LPP: variants seen among roughly 807,000 people sequenced by gnomAD.
LPP encodes the protein LIM domain containing preferred translocation partner in lipoma.
LPP carries 38 observed loss-of-function variants against 60.4 expected under a neutral mutation model. The observed-to-expected ratio is 0.63, with a 90% CI of 0.49 to 0.83. The LOEUF (loss-of-function observed/expected upper bound fraction) is 0.83, where lower values mean the gene tolerates loss of function less well. LPP is among the 40% of genes least tolerant of loss of function. LPP has a pLI of 0.00. For synonymous variants in LPP, 328 were observed against 290.8 expected (o/e 1.13, Z -1.30); for missense variants, 902 against 783.6 (o/e 1.15, Z -1.80).
At chr3:188,342,905 T>C (rs1270075003) in intron 3 of LPP, among the ~76,000 whole-genome samples, 1 of 152,212 alleles carries the variant, frequency 6.6e-6, no homozygotes, top group Non-Finnish European at 1.5e-5. Flanking sequence ...ATTTAGATTT[T>C]CTTCTCATTC....
intron 6 of LPP, among the ~76,000 whole-genome samples, chr3:188,545,372 T>G (rs1298938669): frequency 1.3e-5 from 2 of 151,402 alleles, no homozygotes; most frequent in Non-Finnish European, 2.9e-5. Context: ...AAACAAGCAC[T>G]CCCTTTTGAC....
chr3:188,237,750 G>C (rs1722434539), intron 2 of LPP, among the ~76,000 whole-genome samples: 1 of 151,760 alleles, frequency 6.6e-6, no homozygotes, highest in Non-Finnish European at 1.5e-5. Context: ...TTTCATCCAG[G>C]CTTTGTCATT....
At chr3:188,462,575 T>A (rs1305743426) in intron 4 of LPP, among the ~76,000 whole-genome samples, 5 of 65,030 alleles carry the variant, frequency 7.7e-5, no homozygotes, top group Admixed American at 1.9e-4. Context: ...TATATATATA[T>A]ATATATATAT....
chr3:188,810,102 T>C (rs189375058), intron 9 of LPP, among the ~76,000 whole-genome samples: 19 of 152,216 alleles, frequency 1.2e-4, no homozygotes, highest in Admixed American at 7.2e-4. Context: ...AGGAAAAGAG[T>C]ATAAATTAAA....
intron 2 of LPP, among the ~76,000 whole-genome samples, chr3:188,278,078 C>A (rs993555106): frequency 3.3e-5 from 5 of 152,196 alleles, no homozygotes; most frequent in African/African-American, 1.2e-4. Flanking sequence ...GCATTTATTA[C>A]ACACGTACTA....
chr3:188,650,324 A>AT (rs1413334858), intron 7 of LPP, among the ~76,000 whole-genome samples: 1 of 152,270 alleles, frequency 6.6e-6, no homozygotes, highest in South Asian at 2.1e-4. Flanking sequence ...GCTGAAAATG[A>AT]TTTTTTTGTG....
intron 3 of LPP, among the ~76,000 whole-genome samples, chr3:188,379,332 A>T (rs1250730850): frequency 6.6e-6 from 1 of 152,184 alleles, no homozygotes; most frequent in Non-Finnish European, 1.5e-5. Flanking sequence ...GGGTGGGGAG[A>T]ATCAATTCTT....
chr3:188,527,620 T>C (rs569541365), intron 6 of LPP, among the ~76,000 whole-genome samples: 3 of 152,156 alleles, frequency 2.0e-5, no homozygotes, highest in Non-Finnish European at 4.4e-5. Context: ...CATTGCTTGA[T>C]GTTCAGCAAT....
chr3:188,227,265 C>T (rs1181955820), intron 2 of LPP, among the ~76,000 whole-genome samples: 1 of 150,740 alleles, frequency 6.6e-6, no homozygotes, highest in African/African-American at 2.4e-5. Context: ...TATACATGTG[C>T]CATGCTGGTG....
intron 2 of LPP, among the ~76,000 whole-genome samples, chr3:188,285,947 G>A (rs909218584): frequency 2.0e-5 from 3 of 152,292 alleles, no homozygotes; most frequent in Non-Finnish European, 4.4e-5. Context: ...AAGCTGTACC[G>A]AACTCTTTGT....
chr3:188,365,465 C>T (rs552949937), intron 3 of LPP, among the ~76,000 whole-genome samples: 3 of 152,254 alleles, frequency 2.0e-5, no homozygotes, highest in South Asian at 2.1e-4. Context: ...TGATGAGGCA[C>T]CATAATGTGT....
At chr3:188,582,133 T>G (rs922240276) in intron 6 of LPP, among the ~76,000 whole-genome samples, 12 of 150,580 alleles carry the variant, frequency 8.0e-5, no homozygotes, top group African/African-American at 2.9e-4. Flanking sequence ...TCCTTGAATG[T>G]CGTTTTACCT....
At chr3:188,240,492 A>G (rs768318812) in intron 2 of LPP, among the ~76,000 whole-genome samples, 1 of 152,240 alleles carries the variant, frequency 6.6e-6, no homozygotes. Context: ...AGGAAGTCTT[A>G]TACGTACTGA....
intron 6 of LPP, among the ~76,000 whole-genome samples, chr3:188,535,227 T>C (rs939302295): frequency 6.6e-6 from 1 of 152,206 alleles, no homozygotes. Flanking sequence ...GATCGAATTA[T>C]GTTTCATTGT....
At chr3:188,613,274 C>CTA (rs748142362) in intron 7 of LPP, among the ~76,000 whole-genome samples, 1 of 137,482 alleles carries the variant, frequency 7.3e-6, no homozygotes, top group Non-Finnish European at 1.6e-5. Context: ...ATATCTATAT[C>CTA]TATATCTATA....
At chr3:188,429,717 T>C (rs1019438599) in intron 4 of LPP, among the ~76,000 whole-genome samples, 4 of 152,230 alleles carry the variant, frequency 2.6e-5, no homozygotes, top group African/African-American at 7.2e-5. Context: ...TTCTTTTCTT[T>C]AAGCGGAATA....
intron 1 of LPP, among the ~76,000 whole-genome samples, chr3:188,161,369 G>A (rs1718220149): frequency 6.6e-6 from 1 of 152,136 alleles, no homozygotes; most frequent in Non-Finnish European, 1.5e-5. Context: ...TCCAGAAACT[G>A]TTTGCTGCTA....
At chr3:188,788,371 C>T (rs1742588969) in intron 9 of LPP, among the ~76,000 whole-genome samples, 1 of 152,180 alleles carries the variant, frequency 6.6e-6, no homozygotes, top group South Asian at 2.1e-4. Flanking sequence ...GAATGTGTAG[C>T]TTTCCCATCT....
chr3:188,350,829 C>T (rs996292981), intron 3 of LPP, among the ~76,000 whole-genome samples: 2 of 152,130 alleles, frequency 1.3e-5, no homozygotes, highest in African/African-American at 2.4e-5. Context: ...AGACATAAAA[C>T]GAATAAGAGA....
Sources: gnomAD v4.1 joint callset for allele counts (sites outside exome capture counted in the v4.1 genomes callset) on GRCh38, gnomAD v4.1.1 for gene constraint, MANE v1.5 for transcripts, NCBI Gene and HGNC (gene_info 2026-07-23, HGNC 2026-07-21) for gene names.